The following PCNX2 variants were observed in gnomAD, a reference collection of about 807,000 sequenced individuals.
PCNX2 encodes the protein pecanex-like protein 2.
Under a neutral mutation model 223.8 loss-of-function variants are expected in PCNX2, and 168 were observed. The observed-to-expected ratio is 0.75, with a 90% CI of 0.66 to 0.85. PCNX2 has a LOEUF of 0.85. Ranked by LOEUF, PCNX2 falls within the 40% of genes least tolerant of loss-of-function variation. The pLI is 0.00. For missense variants in PCNX2, 2,507 were observed against 2,675.5 expected, an observed-to-expected ratio of 0.94 and a Z score of 1.39; for synonymous variants, 1,006 against 1,052.6, an observed-to-expected ratio of 0.96 and a Z score of 0.86.
intron 21 of PCNX2, among the ~76,000 whole-genome samples, chr1:233,108,799 A>G (rs569706446): frequency 6.6e-6 from 1 of 152,188 alleles, no homozygotes; most frequent in Non-Finnish European, 1.5e-5. Flanking sequence ...TGGGCCCAGG[A>G]TTACAGACAG....
chr1:233,312,479 T>G, the PCNX2 span, among the ~76,000 whole-genome samples: 8 of 152,258 alleles, frequency 5.3e-5, no homozygotes, highest in East Asian at 3.9e-4. Context: ...AAACTATAAT[T>G]TCAAGAAGCA....
rs1263150419 is a variant in PCNX2 at position 233,090,067 on chromosome 1, T to C, written c.4070A>G (p.Asn1357Ser). 1.9e-6 allele frequency: 3 copies of C among 1,613,648 alleles called. No homozygotes were observed. In the East Asian group the frequency reaches 6.7e-5, roughly 36 times the overall value. ...ACTGATTTTAGGATCTTACTTGTAG[T>C]TTTTCTCCCAGAATTTCACTGGCCT... ...YVRPVKFWEK[N>S]YNTRRVDNSN... Residue 1357 changes from asparagine (N) to serine (S), a missense_variant, in exon 23 of 34, where the codon AAC becomes AGC. By Grantham distance (46) the Asn-to-Ser change is conservative. Coordinates refer to ENST00000258229, the MANE Select transcript of PCNX2 (RefSeq NM_014801.4).
intron 32 of PCNX2, among the ~76,000 whole-genome samples, chr1:232,993,647 G>A (rs1669780719): frequency 1.3e-5 from 2 of 152,370 alleles, no homozygotes; most frequent in South Asian, 4.1e-4. Context: ...TAGTAGCCAA[G>A]ACAATGGGGA....
intron 23 of PCNX2, among the ~76,000 whole-genome samples, chr1:233,070,067 G>T (rs1457819991): frequency 6.6e-6 from 1 of 151,900 alleles, no homozygotes; most frequent in Non-Finnish European, 1.5e-5. Context: ...AGATAATAGG[G>T]AATATTACAA....
At chr1:233,265,244 T>TAA (rs60756475) in intron 1 of PCNX2, among the ~76,000 whole-genome samples, 42,653 of 146,240 alleles carry the variant, frequency 0.29, 6,297 homozygotes, top group South Asian at 0.44. Flanking sequence ...AGACCCTCTC[T>TAA]AAAAAAAAAA....
At chr1:233,032,755 G>C (rs1278872110) in intron 25 of PCNX2, among the ~76,000 whole-genome samples, 1 of 152,094 alleles carries the variant, frequency 6.6e-6, no homozygotes, top group Non-Finnish European at 1.5e-5. Context: ...GAACACACGG[G>C]TATCTCTAAA....
At chr1:233,279,232 T>C (rs1164700789) in intron 1 of PCNX2, among the ~76,000 whole-genome samples, 1 of 152,126 alleles carries the variant, frequency 6.6e-6, no homozygotes, top group South Asian at 2.1e-4. Flanking sequence ...TTTGTTTGTT[T>C]GTTTGAGACA....
chr1:233,251,802 G>A (rs75797919), intron 7 of PCNX2, among the ~76,000 whole-genome samples: 2,497 of 152,282 alleles, frequency 0.016, 78 homozygotes, highest in African/African-American at 0.057. Flanking sequence ...GAAAAACTAG[G>A]ACCTATATCC....
At chr1:233,076,888 G>T (rs539215592) in intron 23 of PCNX2, among the ~76,000 whole-genome samples, 2 of 152,258 alleles carry the variant, frequency 1.3e-5, no homozygotes, top group Admixed American at 1.3e-4. Context: ...GAGTGCCCAA[G>T]AACAAGTCTG....
rs779496593 is a variant in PCNX2, at chr1:233,295,329, G to A, written c.150C>T (p.His50=). ...GGACCGGACCCTCCCCACTCACCAG[G>A]TGCAGGGCCAGGGGCAGCAGCAGGA... ...LFLLLLPLAL[H]LAFPPNAIIV... is the part of the protein sequence containing the mutation. The change falls in exon 1 of 34, where the codon CAC becomes CAT. Residue 50 remains histidine, a synonymous_variant. Transcript: ENST00000258229. The surrounding 1 kb of genome is among the most constrained non-coding windows in gnomAD (Gnocchi z 4.1). 1 of 1,576,578 alleles carries A rather than the reference G, an allele frequency of 6.3e-7. No individual in the cohort carries two copies. Among genetic ancestry groups the A allele is most frequent in the East Asian group, 2.3e-5 (1 of 42,742 alleles).
chr1:233,219,778 CA>C (rs1249750893), intron 10 of PCNX2, among the ~76,000 whole-genome samples: 7 of 152,114 alleles, frequency 4.6e-5, no homozygotes, highest in Non-Finnish European at 1.0e-4. Context: ...CCAACATTAA[CA>C]CATCATTATC....
Position 233,163,451 on chromosome 1 carries a change from A to T in PCNX2, c.3274-2088T>A, listed in dbSNP as rs1358869979. ...CAGTGAGCCGAGATCACACCACTGC[A>T]CTCCAGCCTGGGTGACAGAGCGAGA... On this transcript the variant is annotated intron_variant, in intron 17 of 33. Coordinates refer to ENST00000258229, the MANE Select transcript of PCNX2 (RefSeq NM_014801.4). Among the ~76,000 whole-genome samples, 4 of 151,960 alleles carry T rather than the reference A, an allele frequency of 2.6e-5. No homozygotes were observed. In the East Asian group the frequency reaches 7.8e-4, roughly 30 times the overall value.
intron 12 of PCNX2, among the ~76,000 whole-genome samples, chr1:233,209,755 T>C (rs917086712): frequency 6.6e-6 from 1 of 152,232 alleles, no homozygotes; most frequent in African/African-American, 2.4e-5. Context: ...ACTTGTACTC[T>C]TATGAAATTT....
intron 26 of PCNX2, among the ~76,000 whole-genome samples, chr1:233,021,823 C>T (rs1242488701): frequency 1.3e-5 from 2 of 152,174 alleles, no homozygotes; most frequent in Non-Finnish European, 2.9e-5. Context: ...GCACATGATC[C>T]TGGATTTGTC....
At chr1:233,068,159 A>G (rs1672700079) in intron 23 of PCNX2, among the ~76,000 whole-genome samples, 1 of 152,226 alleles carries the variant, frequency 6.6e-6, no homozygotes, top group Non-Finnish European at 1.5e-5. Flanking sequence ...GAAATAGCAC[A>G]ATATGTTTTT....
the PCNX2 span, among the ~76,000 whole-genome samples, chr1:233,312,065 T>C: frequency 6.6e-6 from 1 of 151,960 alleles, no homozygotes; most frequent in Admixed American, 6.6e-5. Context: ...GAGGCGGAGG[T>C]TGCAGTGAGC....
At chr1:233,312,983 AC>A in the PCNX2 span, among the ~76,000 whole-genome samples, 2 of 152,214 alleles carry the variant, frequency 1.3e-5, no homozygotes, top group African/African-American at 4.8e-5. Context: ...TCAGTGTCAT[AC>A]TAACTCTTGC....
chr1:233,101,865 CTGGAAAAAAGCAAAA>C (rs1423428489), intron 21 of PCNX2, among the ~76,000 whole-genome samples: 1 of 152,018 alleles, frequency 6.6e-6, no homozygotes. Context: ...TTTACCAGTG[CTGGAAAAAAGCAAAA>C]AGAGTTTGCC....
At position 233,177,802 on chromosome 1, in the gene PCNX2, C is replaced by T; in HGVS notation, c.3273G>A (p.Val1091=). The change falls in exon 17 of 34, where the codon GTG becomes GTA. Residue 1091 remains valine, a splice_region_variant and synonymous_variant. Transcript: ENST00000258229. The part of the protein sequence containing the change: ...DPLPKKMKDS[V]TDVLKWDLIV... The stretch of plus-strand genomic sequence containing the variant: ...ACATTACACAACGCAAATGTCTCAC[C>T]ACTGAATCTTTCATCTTCTTGGGGA... 6.2e-7 allele frequency: 1 copy of T among 1,611,618 alleles called. No individual in the cohort carries two copies. Among genetic ancestry groups the T allele is most frequent in the Non-Finnish European group, 8.5e-7 (1 of 1,177,800 alleles).
Sources: allele counts gnomAD v4.1 joint callset (sites outside exome capture counted in the v4.1 genomes callset), GRCh38; gene constraint gnomAD v4.1.1; non-coding constraint Gnocchi (gnomAD v3.1); transcripts MANE v1.5; gene names NCBI Gene and HGNC (gene_info 2026-07-23, HGNC 2026-07-21).